Variants in PAX2 observed in about 807,000 individuals in gnomAD.
PAX2 encodes the protein paired box protein Pax-2.
In PAX2, 9 loss-of-function variants were observed where a neutral mutation model predicts 41.7. That is an observed-to-expected ratio of 0.22 (90% CI 0.13 to 0.38). PAX2 has a LOEUF of 0.38. Ranked by LOEUF, PAX2 falls within the 10% of genes least tolerant of loss-of-function variation. The probability of loss-of-function intolerance (pLI) is 1.00; values close to 1 mark genes in which losing one functional copy is unlikely to be tolerated. For missense variants in PAX2, 418 were observed against 531.6 expected (o/e 0.79, Z 2.10); for synonymous variants, 221 against 212.7 (o/e 1.04, Z -0.34).
intron 5 of PAX2, among the ~76,000 whole-genome samples, chr10:100,797,727 G>A (rs905730068): frequency 2.6e-5 from 4 of 152,190 alleles, no homozygotes; most frequent in African/African-American, 9.7e-5. Flanking sequence ...TTAATGGTGA[G>A]GGAGGAGCTA....
chr10:100,806,526 T>C lies in PAX2; in HGVS notation c.713T>C (p.Leu238Pro), dbSNP rs1189754528. Residue 238 changes from leucine (L) to proline (P), a missense_variant, in exon 6 of 10, where the codon CTG becomes CCG. By Grantham distance (98) the Leu-to-Pro change is moderately conservative. Coordinates refer to ENST00000355243, the MANE Select transcript of PAX2 (RefSeq NM_000278.5). ...GCTGACACCTTCACCCAGCAGCAGC[T>C]GGAAGCTTTGGATCGGGTCTTTGAG... ...LRADTFTQQQLEALDRVFERP... is the reference protein window; with the variant it reads ...LRADTFTQQQPEALDRVFERP... 2 of 1,614,232 alleles carry C rather than the reference T, an allele frequency of 1.2e-6. No individual in the cohort carries two copies. Among genetic ancestry groups the C allele is most frequent in the Admixed American group, 3.3e-5 (2 of 60,030 alleles).
rs1444828210 is a variant in PAX2 at position 100,748,340 on chromosome 10, A to G, written c.44-1406A>G. 1 of 983,934 alleles carries G rather than the reference A, an allele frequency of 1.0e-6. No homozygotes were observed. Among genetic ancestry groups the G allele is most frequent in the Non-Finnish European group, 1.2e-6 (1 of 829,210 alleles). 61.0% of individuals were successfully genotyped at this position (983,934 alleles called of 1,614,324 possible). A position where few individuals can be genotyped will look rare whatever the true frequency, so the allele number is the denominator to read the frequency against. ...GATAGGGAGATTAACGGGGTGGGCA[A>G]GGGGGTAAAAGAAGGGGCTTCAGTC... is the stretch of plus-strand genomic sequence containing the variant. On this transcript the variant is annotated intron_variant, in intron 1 of 9. Coordinates refer to ENST00000355243, the MANE Select transcript of PAX2 (RefSeq NM_000278.5). The surrounding 1 kb of genome is among the most constrained non-coding windows in gnomAD (Gnocchi z 5.0).
chr10:100,800,018 C>A (rs1188485793), intron 5 of PAX2, among the ~76,000 whole-genome samples: 6 of 151,986 alleles, frequency 3.9e-5, no homozygotes, highest in African/African-American at 1.5e-4. Flanking sequence ...AATTCATGAC[C>A]TTGTGATTCA....
At chr10:100,756,587 G>T (rs1845641122) in intron 3 of PAX2, among the ~76,000 whole-genome samples, 1 of 152,182 alleles carries the variant, frequency 6.6e-6, no homozygotes, top group Non-Finnish European at 1.5e-5. Context: ...CATGTTTAAG[G>T]TAGGCTAGGC....
rs1271395677 is a variant in PAX2, at chr10:100,745,869, C to T, written c.-392C>T. The T allele has an allele frequency of 9.0e-7, 1 of 1,116,464 alleles. No individual in the cohort carries two copies. The highest frequency in any genetic ancestry group is 5.2e-5 in the Admixed American group (1 of 19,378). 69.2% of individuals were successfully genotyped at this position (1,116,464 alleles called of 1,614,324 possible). On this transcript the variant is annotated 5_prime_UTR_variant, in exon 1 of 10. Coordinates refer to ENST00000355243, the MANE Select transcript of PAX2 (RefSeq NM_000278.5). ...GCCCCCGCCCCGCGCGCTCTCCGAC[C>T]ACCGCCTCTCGGATGACCAGGTTCC...
At chr10:100,825,010 C>T in intron 8 of PAX2, 3 of 1,583,378 alleles carry the variant, frequency 1.9e-6, no homozygotes, top group Non-Finnish European at 1.7e-6. Flanking sequence ...TCCACAGCGC[C>T]CACCCACCCA....
In PAX2 at chr10:100,826,892, C is replaced by T. The variant is rs979361281; in HGVS notation, c.1022-117C>T. 4 of 747,734 alleles carry T rather than the reference C, an allele frequency of 5.3e-6. No homozygotes were observed. Among genetic ancestry groups the T allele is most frequent in the African/African-American group, 5.2e-5 (3 of 57,674 alleles). 46.3% of individuals were successfully genotyped at this position (747,734 alleles called of 1,614,324 possible). The stretch of plus-strand genomic sequence containing the variant: ...CGCCCGCCACGGCCATTACCCTGCC[C>T]GCGACACCTGCGCCTGAGACCCGGC... On this transcript the variant is annotated intron_variant, in intron 8 of 9. Transcript: ENST00000355243. This position sits in a 1 kb window ranked among gnomAD's most constrained non-coding sequence, Gnocchi z 5.5.
intron 3 of PAX2, among the ~76,000 whole-genome samples, chr10:100,754,507 G>A (rs554517284): frequency 3.3e-5 from 5 of 152,292 alleles, no homozygotes; most frequent in African/African-American, 1.2e-4. Flanking sequence ...TAGGCTCTAG[G>A]TGAGTACATT....
rs1269384932 is a variant in PAX2 at position 100,826,943 on chromosome 10, G to T, written c.1022-66G>T. The stretch of plus-strand genomic sequence containing the variant: ...GGGAGGAGCGGGCGGAGAAGCCACC[G>T]GCCGGACTCGTGGGGTCCGCCCTGG... On this transcript the variant is annotated intron_variant, in intron 8 of 9. Coordinates refer to ENST00000355243, the MANE Select transcript of PAX2 (RefSeq NM_000278.5). The surrounding 1 kb of genome is among the most constrained non-coding windows in gnomAD (Gnocchi z 5.5). The T allele has an allele frequency of 7.2e-6, 8 of 1,113,770 alleles. No homozygotes were observed. In the African/African-American group the frequency reaches 1.2e-4, roughly 17 times the overall value. The allele number at this position is 1,113,770 out of a possible 1,614,324, so 69.0% of individuals were successfully genotyped here. A position where few individuals can be genotyped will look rare whatever the true frequency, so the allele number is the denominator to read the frequency against.
At chr10:100,798,551 T>C (rs1847419612) in intron 5 of PAX2, among the ~76,000 whole-genome samples, 2 of 152,186 alleles carry the variant, frequency 1.3e-5, no homozygotes, top group Admixed American at 1.3e-4. Context: ...ATAGCTCCTT[T>C]CCCAGCCCGG....
chr10:100,763,870 G>A (rs1365688635), intron 3 of PAX2, among the ~76,000 whole-genome samples: 5 of 152,178 alleles, frequency 3.3e-5, no homozygotes, highest in African/African-American at 1.2e-4. Context: ...TGGCTAGAGG[G>A]TACTGGGTCC....
At chr10:100,759,076 G>A (rs1845745488) in intron 3 of PAX2, among the ~76,000 whole-genome samples, 1 of 152,190 alleles carries the variant, frequency 6.6e-6, no homozygotes, top group African/African-American at 2.4e-5. Flanking sequence ...TGGAGCACAT[G>A]GCTGAGCAGG....
chr10:100,742,309 G>T (rs1341179393), upstream of PAX2, among the ~76,000 whole-genome samples: 3 of 151,414 alleles, frequency 2.0e-5, no homozygotes, highest in East Asian at 2.0e-4. Flanking sequence ...CTGGAGTCGC[G>T]CTTGGCTTGG....
At chr10:100,811,079 C>T (rs146099447) in intron 7 of PAX2, among the ~76,000 whole-genome samples, 13 of 151,556 alleles carry the variant, frequency 8.6e-5, no homozygotes, top group East Asian at 3.9e-4. Context: ...GTGGTAATGA[C>T]GGGGAAACTC....
chr10:100,772,305 C>CA (rs977309956), intron 3 of PAX2, among the ~76,000 whole-genome samples: 40 of 152,206 alleles, frequency 2.6e-4, no homozygotes, highest in Admixed American at 7.2e-4. Flanking sequence ...AAGCATGTGA[C>CA]ACCCTGCCCG....
intron 7 of PAX2, among the ~76,000 whole-genome samples, chr10:100,818,140 A>G (rs1261664325): frequency 6.6e-6 from 1 of 152,180 alleles, no homozygotes; most frequent in Non-Finnish European, 1.5e-5. Flanking sequence ...AACAAGAGTT[A>G]TGTTTTCTGG....
chr10:100,756,192 C>G (rs752195237), intron 3 of PAX2, among the ~76,000 whole-genome samples: 39 of 152,076 alleles, frequency 2.6e-4, no homozygotes, highest in Non-Finnish European at 4.3e-4. Context: ...CCCTAAAACC[C>G]CTCTGAAAAG....
intron 5 of PAX2, among the ~76,000 whole-genome samples, chr10:100,792,533 A>T (rs1406224529): frequency 6.6e-6 from 1 of 152,236 alleles, no homozygotes; most frequent in Non-Finnish European, 1.5e-5. Context: ...CCAGGAACTG[A>T]GACAGAAGAG....
intron 3 of PAX2, among the ~76,000 whole-genome samples, chr10:100,773,017 G>A (rs902114072): frequency 9.9e-5 from 15 of 152,236 alleles, no homozygotes; most frequent in African/African-American, 3.6e-4. Context: ...AGAAGGGACT[G>A]AAAATAGAAG....
Sources: gnomAD v4.1 joint callset for allele counts (sites outside exome capture counted in the v4.1 genomes callset) on GRCh38, gnomAD v4.1.1 for gene constraint, Gnocchi (gnomAD v3.1) non-coding constraint, MANE v1.5 for transcripts, NCBI Gene and HGNC (gene_info 2026-07-23, HGNC 2026-07-21) for gene names.